Variants in SYNPR observed in about 807,000 individuals in gnomAD.
SYNPR encodes synaptoporin.
In SYNPR, 23 loss-of-function variants were observed where a neutral mutation model predicts 32.9. That is an observed-to-expected ratio of 0.70 (90% CI 0.50 to 0.99). The LOEUF (loss-of-function observed/expected upper bound fraction) is 0.99, where lower values mean the gene tolerates loss of function less well. Among genes scored for constraint, SYNPR ranks in the 50% least tolerant of loss-of-function variants. The probability of loss-of-function intolerance (pLI) is 0.00; values close to 1 mark genes in which losing one functional copy is unlikely to be tolerated. For missense variants in SYNPR, 318 were observed against 349.3 expected, an observed-to-expected ratio of 0.91 and a Z score of 0.71; for synonymous variants, 146 against 135.9, an observed-to-expected ratio of 1.07 and a Z score of -0.52.
chr3:63,549,750 G>A (rs1702469759), intron 3 of SYNPR, among the ~76,000 whole-genome samples: 1 of 151,900 alleles, frequency 6.6e-6, no homozygotes, highest in Non-Finnish European at 1.5e-5. Flanking sequence ...AAAACTATGG[G>A]GACTCAATAT....
rs573456138 is a variant in SYNPR, at chr3:63,380,154, G to A, written c.85-100678G>A. 4.6e-3 allele frequency among the ~76,000 whole-genome samples: 693 copies of A among 152,248 alleles called. 3 individuals are homozygous for A. The highest frequency in any genetic ancestry group is 0.012 in the South Asian group (57 of 4,818). On this transcript the variant is annotated intron_variant, in intron 2 of 5. Transcript: ENST00000478300. ...ATAGTGCCTCAATAAACATACATCC[G>A]CATGTGTCTTTATAGCAGCATGATT...
intron 4 of SYNPR, among the ~76,000 whole-genome samples, chr3:63,603,911 G>T (rs1559548902): frequency 6.6e-6 from 1 of 152,154 alleles, no homozygotes; most frequent in East Asian, 1.9e-4. Flanking sequence ...TTTTGAAATA[G>T]TTTTGGTAGG....
chr3:63,265,664 T>C (rs1381558271), intron 2 of SYNPR, among the ~76,000 whole-genome samples: 2 of 152,172 alleles, frequency 1.3e-5, no homozygotes, highest in African/African-American at 4.8e-5. Flanking sequence ...TAAGGACAAG[T>C]TTTATTTTCT....
intron 3 of SYNPR, among the ~76,000 whole-genome samples, chr3:63,534,361 T>G (rs4392412): frequency 0.23 from 35,510 of 151,970 alleles, 4,245 homozygotes; most frequent in East Asian, 0.32. Flanking sequence ...AATAAACTGG[T>G]TTTGTTTAGT....
chr3:63,537,731 T>C (rs553926912), intron 3 of SYNPR, among the ~76,000 whole-genome samples: 1 of 152,278 alleles, frequency 6.6e-6, no homozygotes, highest in Admixed American at 6.5e-5. Flanking sequence ...CTTTCATATG[T>C]TGAATTCAAA....
intron 2 of SYNPR, among the ~76,000 whole-genome samples, chr3:63,254,896 A>T (rs930565095): frequency 2.6e-5 from 4 of 152,218 alleles, no homozygotes; most frequent in Non-Finnish European, 5.9e-5. Context: ...CCAGACAGGA[A>T]CAGAGGGAAG....
At chr3:63,407,988 G>A (rs940185920) in intron 2 of SYNPR, among the ~76,000 whole-genome samples, 1 of 151,692 alleles carries the variant, frequency 6.6e-6, no homozygotes, top group African/African-American at 2.4e-5. Flanking sequence ...TGATTCACGG[G>A]CATCTTTAGA....
At chr3:63,389,044 A>C (rs1339159138) in intron 2 of SYNPR, among the ~76,000 whole-genome samples, 4 of 152,158 alleles carry the variant, frequency 2.6e-5, no homozygotes, top group African/African-American at 9.7e-5. Flanking sequence ...TCGAATTTTG[A>C]TCAGCAAGAG....
rs1700268440 is a variant in SYNPR at position 63,615,576 on chromosome 3, G to A, written c.*95G>A. 1.4e-6 allele frequency: 2 copies of A among 1,464,224 alleles called. No individual in the cohort carries two copies. The highest frequency in any genetic ancestry group is 1.8e-6 in the Non-Finnish European group (2 of 1,092,292). The allele number at this position is 1,464,224 out of a possible 1,614,324, so 90.7% of individuals were successfully genotyped here. ...AGGGTTTCAATCAATTATTAATGCA[G>A]AGAGTATTGAATGTAAATCAGAGCT... On this transcript the variant is annotated 3_prime_UTR_variant, in exon 6 of 6. Coordinates refer to ENST00000478300, the MANE Select transcript of SYNPR (RefSeq NM_001130003.2).
chr3:63,549,286 C>T (rs948576215), intron 3 of SYNPR, among the ~76,000 whole-genome samples: 10 of 152,178 alleles, frequency 6.6e-5, no homozygotes, highest in African/African-American at 2.4e-4. Context: ...TACAGACTAT[C>T]AGTCTACCGT....
At chr3:63,318,724 G>A (rs771542983) in intron 2 of SYNPR, among the ~76,000 whole-genome samples, 9 of 151,954 alleles carry the variant, frequency 5.9e-5, no homozygotes, top group African/African-American at 9.7e-5. Flanking sequence ...TCCCTGATTA[G>A]CTGAATAGCT....
In SYNPR at chr3:63,302,166, CT is replaced by C. The variant is rs1027349101; in HGVS notation, c.84+23425del. On this transcript the variant is annotated intron_variant, in intron 2 of 5. Transcript: ENST00000478300. ...TATTTCAAATTCTCCAGTTATTCCT[CT>C]GTTTATTTGAACTTTTAATTTAAAA... Among the ~76,000 whole-genome samples the C allele has an allele frequency of 1.8e-4, 28 of 152,196 alleles. 1 individual carries two copies. The highest frequency in any genetic ancestry group is 8.8e-5 in the Non-Finnish European group (6 of 67,982).
intron 1 of SYNPR, among the ~76,000 whole-genome samples, chr3:63,243,596 T>C (rs73115362): frequency 0.012 from 1,779 of 152,222 alleles, 15 homozygotes; most frequent in Non-Finnish European, 0.019. Context: ...TGCCAAACTT[T>C]TATCAAGCAT....
chr3:63,252,793 C>T (rs1336476396), intron 2 of SYNPR, among the ~76,000 whole-genome samples: 2 of 152,130 alleles, frequency 1.3e-5, no homozygotes, highest in Non-Finnish European at 2.9e-5. Flanking sequence ...GTAATCTTAG[C>T]ACGTTGGGTG....
intron 2 of SYNPR, among the ~76,000 whole-genome samples, chr3:63,342,006 A>G (rs972550351): frequency 2.0e-5 from 3 of 152,156 alleles, no homozygotes; most frequent in African/African-American, 2.4e-5. Flanking sequence ...TTACGTTTAG[A>G]TGTATGATCC....
chr3:63,409,415 G>T (rs1488037355), intron 2 of SYNPR, among the ~76,000 whole-genome samples: 1 of 152,068 alleles, frequency 6.6e-6, no homozygotes, highest in Non-Finnish European at 1.5e-5. Flanking sequence ...GATGCTTCCA[G>T]ATCACATCTT....
In SYNPR at chr3:63,472,056, A is replaced by G. The variant is rs989175026; in HGVS notation, c.85-8776A>G. ...GGAGGCTTGGGTGTTGCTGAGGCAC[A>G]GTACGTGAGCTACCACCTGCAGCAA... On this transcript the variant is annotated intron_variant, in intron 2 of 5. Transcript: ENST00000478300. 3.9e-5 allele frequency among the ~76,000 whole-genome samples: 6 copies of G among 152,336 alleles called. 1 individual carries two copies. In the East Asian group the frequency reaches 1.2e-3, roughly 29 times the overall value.
chr3:63,364,083 A>T (rs924572815), intron 2 of SYNPR, among the ~76,000 whole-genome samples: 1 of 152,164 alleles, frequency 6.6e-6, no homozygotes, highest in African/African-American at 2.4e-5. Context: ...CTATCTGCAA[A>T]ATCTTTCCTA....
intron 2 of SYNPR, among the ~76,000 whole-genome samples, chr3:63,468,553 C>T (rs556209939): frequency 6.6e-6 from 1 of 151,882 alleles, no homozygotes; most frequent in East Asian, 1.9e-4. Flanking sequence ...CGCCTGTAAT[C>T]TCAACACTAT....
Sources: allele counts gnomAD v4.1 joint callset (sites outside exome capture counted in the v4.1 genomes callset), GRCh38; gene constraint gnomAD v4.1.1; transcripts MANE v1.5; gene names NCBI Gene and HGNC (gene_info 2026-07-23, HGNC 2026-07-21).